The following APLF variants were observed in gnomAD, a reference collection of about 807,000 sequenced individuals.
The protein encoded by APLF is aprataxin and PNK-like factor.
A neutral mutation model predicts 55.6 loss-of-function variants in APLF; 61 were observed. The ratio of observed to expected loss-of-function variants is 1.10; its 90% CI spans 0.89 to 1.36. The LOEUF is 1.36. Among genes scored for constraint, APLF ranks in the 40% most tolerant of loss-of-function variants. The pLI, the probability that APLF is intolerant of heterozygous loss-of-function variation, is 0.00. For synonymous variants in APLF, 207 were observed against 214.8 expected (o/e 0.96, Z 0.32); for missense variants, 611 against 602.5 (o/e 1.01, Z -0.15).
Position 68,482,822 on chromosome 2 carries a change from GT to G in APLF, c.97-7367del, listed in dbSNP as rs1264663062. 4.6e-5 allele frequency among the ~76,000 whole-genome samples: 7 copies of G among 152,272 alleles called. No individual in the cohort carries two copies. In the East Asian group the frequency reaches 1.4e-3, roughly 29 times the overall value. On this transcript the variant is annotated intron_variant, in intron 1 of 9. Coordinates refer to ENST00000303795, the MANE Select transcript of APLF (RefSeq NM_173545.3). ...CAGTTTGGTGGCATGCCCACTGGGGGTGGTCTGCTGTTTCTCTGGCTGGGGT... is the reference window on the plus strand; with the variant it reads ...CAGTTTGGTGGCATGCCCACTGGGGGGGTCTGCTGTTTCTCTGGCTGGGGT...
intron 5 of APLF, among the ~76,000 whole-genome samples, chr2:68,518,404 A>ATAT (rs376257699): frequency 0.2 from 21,275 of 108,400 alleles, 3,148 homozygotes; most frequent in African/African-American, 0.45. Flanking sequence ...ATATAACAAT[A>ATAT]TATTATATAT....
At chr2:68,523,432 A>G (rs994815607) in intron 5 of APLF, among the ~76,000 whole-genome samples, 3 of 151,932 alleles carry the variant, frequency 2.0e-5, no homozygotes, top group Non-Finnish European at 4.4e-5. Flanking sequence ...AGAAATTGCA[A>G]TCCTAGGTAT....
chr2:68,546,493 T>A (rs1419066966), intron 8 of APLF, among the ~76,000 whole-genome samples: 2 of 151,976 alleles, frequency 1.3e-5, no homozygotes, highest in African/African-American at 2.4e-5. Context: ...AGCTTACTTT[T>A]GAACATAGTT....
At chr2:68,527,518 G>A (rs776474648) in intron 6 of APLF, among the ~76,000 whole-genome samples, 32 of 145,834 alleles carry the variant, frequency 2.2e-4, no homozygotes, top group African/African-American at 7.4e-4. Flanking sequence ...GGGCAGAGGC[G>A]CTCCTCACTT....
intron 2 of APLF, among the ~76,000 whole-genome samples, chr2:68,497,123 G>A (rs1465780421): frequency 1.3e-5 from 2 of 152,136 alleles, no homozygotes; most frequent in Non-Finnish European, 1.5e-5. Context: ...TCACAGTTTT[G>A]CAGGCTTTAC....
Position 68,529,299 on chromosome 2 carries a change from G to A in APLF, c.804+3057G>A, listed in dbSNP as rs1670175029. ...CCAAGATGTCGCTGACGGTTGAAGA[G>A]GAGTGGGAAACAGCCAAAGAGTCCT... On this transcript the variant is annotated intron_variant, in intron 6 of 9. Transcript: ENST00000303795. This position sits in a 1 kb window ranked among gnomAD's most constrained non-coding sequence, Gnocchi z 4.4. The A allele has an allele frequency of 5.9e-6, 8 of 1,364,136 alleles. No homozygotes were observed. In the South Asian group the frequency reaches 6.8e-5, roughly 12 times the overall value. 84.5% of individuals were successfully genotyped at this position (1,364,136 alleles called of 1,614,324 possible). A position where few individuals can be genotyped will look rare whatever the true frequency, so the allele number is the denominator to read the frequency against.
intron 5 of APLF, 135 bp downstream of exon 5, chr2:68,513,815 T>G: frequency 1.0e-6 from 1 of 952,466 alleles, no homozygotes; most frequent in African/African-American, 2.3e-5. Flanking sequence ...CCTAGCCTAG[T>G]TTTTTTAGTT....
chr2:68,496,503 C>T (rs1350216991), intron 2 of APLF, among the ~76,000 whole-genome samples: 2 of 152,196 alleles, frequency 1.3e-5, no homozygotes, highest in African/African-American at 2.4e-5. Context: ...TTCTCTGCCA[C>T]GTGGCTAGGC....
At chr2:68,539,252 A>G (rs1375425703) in intron 7 of APLF, among the ~76,000 whole-genome samples, 3 of 152,216 alleles carry the variant, frequency 2.0e-5, no homozygotes, top group Non-Finnish European at 4.4e-5. Flanking sequence ...CTTGGATTGT[A>G]TTAGTTTGCC....
chr2:68,575,892 C>A (rs1671607656), intron 9 of APLF, among the ~76,000 whole-genome samples: 1 of 151,958 alleles, frequency 6.6e-6, no homozygotes, highest in Non-Finnish European at 1.5e-5. Context: ...GGCAGTAGGT[C>A]AGGGCTTAAG....
intron 7 of APLF, among the ~76,000 whole-genome samples, chr2:68,542,318 A>G (rs574641623): frequency 1.0e-4 from 15 of 150,198 alleles, no homozygotes; most frequent in African/African-American, 3.5e-4. Context: ...TTTTAAAGTT[A>G]AAAACTTCTG....
chr2:68,508,961 G>A (rs964864439), intron 3 of APLF, among the ~76,000 whole-genome samples: 4 of 152,038 alleles, frequency 2.6e-5, no homozygotes, highest in Non-Finnish European at 4.4e-5. Flanking sequence ...ACAAAAACAA[G>A]AAATGGGGAA....
chr2:68,475,981 T>C (rs1023006212), intron 1 of APLF, among the ~76,000 whole-genome samples: 3 of 151,950 alleles, frequency 2.0e-5, no homozygotes, highest in Non-Finnish European at 2.9e-5. Context: ...CTTTTTTTTT[T>C]AGGTTTATGC....
At chr2:68,560,690 G>GA (rs1280890355) in intron 8 of APLF, among the ~76,000 whole-genome samples, 3 of 151,772 alleles carry the variant, frequency 2.0e-5, no homozygotes, top group African/African-American at 7.3e-5. Context: ...AATTAACAAT[G>GA]AAAAAAACAA....
intron 7 of APLF, among the ~76,000 whole-genome samples, chr2:68,543,588 CTA>C (rs1408579070): frequency 2.6e-5 from 4 of 152,266 alleles, no homozygotes; most frequent in South Asian, 2.1e-4. Context: ...CCATTCTTAA[CTA>C]TATCCCCAGG....
intron 7 of APLF, among the ~76,000 whole-genome samples, chr2:68,538,922 T>C (rs542126749): frequency 6.6e-6 from 1 of 152,272 alleles, no homozygotes; most frequent in East Asian, 1.9e-4. Flanking sequence ...GTCTTCTGTG[T>C]CAATAAGACA....
At chr2:68,528,025 G>A (rs878870992) in intron 6 of APLF, among the ~76,000 whole-genome samples, 1 of 151,086 alleles carries the variant, frequency 6.6e-6, no homozygotes, top group African/African-American at 2.4e-5. Flanking sequence ...GAGGGCGGGG[G>A]CTAGGCAGAG....
chr2:68,547,046 C>T (rs1422023655), intron 8 of APLF, among the ~76,000 whole-genome samples: 1 of 151,726 alleles, frequency 6.6e-6, no homozygotes, highest in East Asian at 1.9e-4. Flanking sequence ...AGGATGCTTA[C>T]TGGATACAAA....
intron 8 of APLF, among the ~76,000 whole-genome samples, chr2:68,546,676 A>G (rs138809254): frequency 9.2e-4 from 140 of 152,040 alleles, no homozygotes; most frequent in African/African-American, 3.2e-3. Context: ...ATGATTGGAA[A>G]GAAAAAAACC....
Sources: allele counts gnomAD v4.1 joint callset (sites outside exome capture counted in the v4.1 genomes callset), GRCh38; gene constraint gnomAD v4.1.1; non-coding constraint Gnocchi (gnomAD v3.1); transcripts MANE v1.5; gene names NCBI Gene and HGNC (gene_info 2026-07-23, HGNC 2026-07-21).